GPATCH3: variants seen among roughly 807,000 people sequenced by gnomAD.
GPATCH3 encodes the protein G-patch domain containing 3.
In GPATCH3, 45 loss-of-function variants were observed where a neutral mutation model predicts 53.2. The observed-to-expected ratio is 0.85, with a 90% CI of 0.67 to 1.08. GPATCH3 has a LOEUF of 1.08. Ranked by LOEUF, GPATCH3 falls within the 50% of genes least tolerant of loss-of-function variation. The pLI, the probability that GPATCH3 is intolerant of heterozygous loss-of-function variation, is 0.00. For synonymous variants in GPATCH3, 280 were observed against 270.6 expected (o/e 1.03, Z -0.34); for missense variants, 680 against 687.2 (o/e 0.99, Z 0.12).
rs762674817 is a variant in GPATCH3 at position 26,900,362 on chromosome 1, G to A, written c.81C>T (p.Ala27=). The A allele has an allele frequency of 2.5e-6, 4 of 1,614,036 alleles. No individual in the cohort carries two copies. In the South Asian group the frequency reaches 4.4e-5, roughly 18 times the overall value. Reference sequence around the variant, plus strand: ...ACTGGCTAAAATAGCTCCGTAAATGGGCCGAGCGCAACACGGAGGGGATAC... The same window carrying A: ...ACTGGCTAAAATAGCTCCGTAAATGAGCCGAGCGCAACACGGAGGGGATAC... The part of the protein sequence containing the change: ...VSGIPSVLRS[A]HLRSYFSQFR... The change falls in exon 1 of 7, where the codon GCC becomes GCT. Residue 27 remains alanine, a synonymous_variant. Coordinates refer to ENST00000361720, the MANE Select transcript of GPATCH3 (RefSeq NM_022078.3).
chr1:26,894,746 C>T (rs926925696), intron 2 of GPATCH3, among the ~76,000 whole-genome samples: 1 of 152,178 alleles, frequency 6.6e-6, no homozygotes, highest in South Asian at 2.1e-4. Flanking sequence ...AAGCCCCCCA[C>T]ATTTAGGCCC....
chr1:26,891,294 C>T (rs530575852), intron 6 of GPATCH3, 68 bp from the exon 7 acceptor site: 2 of 1,245,438 alleles, frequency 1.6e-6, no homozygotes, highest in Non-Finnish European at 2.3e-6. Flanking sequence ...TGGGAGAGGA[C>T]GGGGAAGTAG....
chr1:26,900,168 CGAGTG>C lies in GPATCH3; in HGVS notation c.270_274del (p.Thr91ArgfsTer79), dbSNP rs1361096952. The stretch of plus-strand genomic sequence containing the variant: ...GCGGGTCTGGATTGGAGTAGAGTCT[CGAGTG>C]GAGAGAGGCCGGACATCGGTGGCCG... On this transcript the variant is annotated frameshift_variant, in exon 1 of 7. Coordinates refer to ENST00000361720, the MANE Select transcript of GPATCH3 (RefSeq NM_022078.3). LOFTEE classifies it high-confidence loss of function. 2.5e-6 allele frequency: 4 copies of C among 1,614,052 alleles called. No homozygotes were observed. The highest frequency in any genetic ancestry group is 1.7e-5 in the Admixed American group (1 of 60,006).
At chr1:26,899,849 AAGTT>A in intron 1 of GPATCH3, 139 bp downstream of exon 1, 1 of 718,650 alleles carries the variant, frequency 1.4e-6, no homozygotes, top group Non-Finnish European at 2.3e-6. Flanking sequence ...AACTCCCTGC[AAGTT>A]GAGCCTGAAG....
Position 26,900,286 on chromosome 1 carries a change from G to A in GPATCH3, c.157C>T (p.Pro53Ser). ...GFLCFHYRHR[P>S]ERAPPQAAPN... ...GCGGCCTGCGGAGGGGCCCGCTCAG[G>A]CCGATGCCGGTAGTGGAAACAGAGG... Residue 53 changes from proline (P) to serine (S), a missense_variant, in exon 1 of 7, where the codon CCT (proline) becomes TCT (serine). Physicochemically the swap from Pro to Ser is moderately conservative, Grantham distance 74. Transcript: ENST00000361720. The A allele has an allele frequency of 6.2e-7, 1 of 1,614,060 alleles. No homozygotes were observed. The highest frequency in any genetic ancestry group is 1.6e-4 in the Middle Eastern group (1 of 6,062).
At position 26,892,901 on chromosome 1, in the gene GPATCH3, G is replaced by A. The variant is rs2081935101; in HGVS notation, c.1112-110C>T. Reference sequence around the variant, plus strand: ...GACTTATTCATTTTAATAGTGTTCTGTATCTCTCTCATTAGACTGGGAGCT... The same window carrying A: ...GACTTATTCATTTTAATAGTGTTCTATATCTCTCTCATTAGACTGGGAGCT... On this transcript the variant is annotated intron_variant, in intron 4 of 6. Transcript: ENST00000361720. 4 of 1,340,144 alleles carry A rather than the reference G, an allele frequency of 3.0e-6. No homozygotes were observed. The African/African-American group carries it at 4.4e-5, about 15-fold the overall frequency. 83.0% of individuals were successfully genotyped at this position (1,340,144 alleles called of 1,614,324 possible).
At chr1:26,897,763 G>A (rs747911324) in intron 1 of GPATCH3, 38 bp from the exon 2 acceptor site, 57 of 1,521,458 alleles carry the variant, frequency 3.7e-5, no homozygotes, top group Non-Finnish European at 2.0e-5. Context: ...AAACCCAGAA[G>A]CCTCCAGCAA....
chr1:26,900,160 T>G lies in GPATCH3; in HGVS notation c.283A>C (p.Thr95Pro). The G allele has an allele frequency of 3.1e-6, 5 of 1,612,512 alleles. No homozygotes were observed. The highest frequency in any genetic ancestry group is 4.2e-6 in the Non-Finnish European group (5 of 1,179,552). ...CAGCAGGTGCGGGTCTGGATTGGAGTAGAGTCTCGAGTGGAGAGAGGCCGG... is the reference window on the plus strand; with the variant it reads ...CAGCAGGTGCGGGTCTGGATTGGAGGAGAGTCTCGAGTGGAGAGAGGCCGG... ...DVRPLSTRDSTPIQTRTCCCV... is the reference protein window; with the variant it reads ...DVRPLSTRDSPPIQTRTCCCV... The change falls in exon 1 of 7, where the codon ACT becomes CCT. Residue 95 changes from threonine to proline, a missense_variant. By Grantham distance (38) the Thr-to-Pro change is conservative. Transcript: ENST00000361720.
intron 4 of GPATCH3, 64 bp downstream of exon 4, chr1:26,893,325 A>G (rs534093215): frequency 5.8e-5 from 74 of 1,268,278 alleles, no homozygotes; most frequent in Non-Finnish European, 8.2e-5. Context: ...TAGCTCTGGT[A>G]AAGTGTCACT....
intron 3 of GPATCH3, 151 bp from the exon 4 acceptor site, chr1:26,893,599 C>T: frequency 1.7e-6 from 1 of 604,836 alleles, no homozygotes; most frequent in South Asian, 1.8e-5. Flanking sequence ...TGGCTCACTC[C>T]AACCTCTGCC....
rs749632774 is a variant in GPATCH3 at position 26,900,330 on chromosome 1, T to C, written c.113A>G (p.Glu38Gly). The C allele has an allele frequency of 7.7e-5, 125 of 1,614,004 alleles. No individual in the cohort carries two copies. In the Admixed American group the frequency reaches 2.0e-3, roughly 26 times the overall value. Residue 38 changes from glutamate (E) to glycine (G), a missense_variant, in exon 1 of 7, where the codon GAA (glutamate) becomes GGA (glycine). Glu to Gly is a moderately conservative substitution (Grantham distance 98). Transcript: ENST00000361720. ...ACAGAGGAAGCCACCGCCGCGCTCT[T>C]CTCGGAACTGGCTAAAATAGCTCCG... Reference protein sequence around the residue: ...HLRSYFSQFREERGGGFLCFH... With the variant: ...HLRSYFSQFRGERGGGFLCFH...
Position 26,897,547 on chromosome 1 carries a change from G to A in GPATCH3, c.630C>T (p.Arg210=). 1 of 1,614,218 alleles carries A rather than the reference G, an allele frequency of 6.2e-7. No individual in the cohort carries two copies. The highest frequency in any genetic ancestry group is 8.5e-7 in the Non-Finnish European group (1 of 1,180,040). The change falls in exon 2 of 7, where the codon CGC becomes CGT. Residue 210 remains arginine (R), a synonymous_variant. Coordinates refer to ENST00000361720, the MANE Select transcript of GPATCH3 (RefSeq NM_022078.3). ...RVFLELIRAC[R]LPPRIITQLQ... ...GCTGGGTGATGATCCGAGGGGGTAG[G>A]CGGCAGGCCCGGATCAACTCCAAAA...
In GPATCH3 at chr1:26,892,720, C is replaced by T. The variant is rs1290077125; in HGVS notation, c.1183G>A (p.Asp395Asn). Residue 395 changes from aspartate (D) to asparagine (N), a missense_variant, in exon 5 of 7, where the codon GAT (aspartate) becomes AAT (asparagine). By Grantham distance (23) the Asp-to-Asn change is conservative (BLOSUM62 1). Transcript: ENST00000361720. ...LEQRLRDGQE[D>N]GSVIERQVGT... Reference sequence around the variant, plus strand: ...ACCTGGCGTTCGATCACAGAGCCATCTTCCTGTCCATCTCGGAGTCTCTGT... The same window carrying T: ...ACCTGGCGTTCGATCACAGAGCCATTTTCCTGTCCATCTCGGAGTCTCTGT... The T allele has an allele frequency of 6.2e-7, 1 of 1,614,216 alleles. No homozygotes were observed. The highest frequency in any genetic ancestry group is 1.7e-5 in the Admixed American group (1 of 60,024).
chr1:26,893,921 A>G (rs934446266), intron 3 of GPATCH3, among the ~76,000 whole-genome samples: 1 of 151,816 alleles, frequency 6.6e-6, no homozygotes. Context: ...GGCTCAAGTG[A>G]TCCTCCTGCC....
intron 1 of GPATCH3, 143 bp from the exon 2 acceptor site, chr1:26,897,868 G>C: frequency 1.4e-6 from 1 of 710,248 alleles, no homozygotes; most frequent in Non-Finnish European, 2.3e-6. Context: ...CCGACACAGT[G>C]GCTCACGCTT....
chr1:26,890,911 G>A lies in GPATCH3; in HGVS notation c.*99C>T. ...GAACAAAACACCCTGAACCAGCCAC[G>A]AAGACTGCTGCTCCCAGACTCCTTT... On this transcript the variant is annotated 3_prime_UTR_variant, in exon 7 of 7. Coordinates refer to ENST00000361720, the MANE Select transcript of GPATCH3 (RefSeq NM_022078.3). 7.8e-6 allele frequency: 9 copies of A among 1,156,114 alleles called. No homozygotes were observed. In the South Asian group the frequency reaches 1.1e-4, roughly 14 times the overall value. 71.6% of individuals were successfully genotyped at this position (1,156,114 alleles called of 1,614,324 possible).
At position 26,900,422 on chromosome 1, in the gene GPATCH3, C is replaced by T. The variant is rs2081971908; in HGVS notation, c.21G>A (p.Ala7=). 1 of 1,610,040 alleles carries T rather than the reference C, an allele frequency of 6.2e-7. No homozygotes were observed. The highest frequency in any genetic ancestry group is 8.5e-7 in the Non-Finnish European group (1 of 1,177,218). The part of the protein sequence containing the change: MAVPGE[A]EEEATVYLVV... ...CCAGGTAAACTGTCGCCTCCTCCTC[C>T]GCCTCGCCGGGCACCGCCATCTTGG... Residue 7 remains alanine, a synonymous_variant, in exon 1 of 7, where the codon GCG becomes GCA. Coordinates refer to ENST00000361720, the MANE Select transcript of GPATCH3 (RefSeq NM_022078.3).
intron 6 of GPATCH3, 31 bp from the exon 7 acceptor site, chr1:26,891,257 C>G: frequency 6.4e-7 from 1 of 1,564,292 alleles, no homozygotes; most frequent in Non-Finnish European, 8.8e-7. Context: ...AGTGAGAAGG[C>G]TGCTCTCAAA....
chr1:26,897,355 TC>T lies in GPATCH3; in HGVS notation c.821del (p.Gly274GlufsTer37), dbSNP rs967459325. 6.2e-6 allele frequency: 10 copies of T among 1,614,102 alleles called. No individual in the cohort carries two copies. Among genetic ancestry groups the T allele is most frequent in the African/African-American group, 1.3e-5 (1 of 74,926 alleles). On this transcript the variant is annotated frameshift_variant, in exon 2 of 7. Coordinates refer to ENST00000361720, the MANE Select transcript of GPATCH3 (RefSeq NM_022078.3). LOFTEE classifies it high-confidence loss of function. ...CCTTCCCCACTTCTTCCTCAGGCTC[TC>T]CACAGGGGCTGGCTGGTATATCTGC... The part of the protein sequence containing the change: ...YLADIPASPC[G>X]EPEEEVGKEE...
Sources: gnomAD v4.1 joint callset for allele counts (sites outside exome capture counted in the v4.1 genomes callset) on GRCh38, gnomAD v4.1.1 for gene constraint, MANE v1.5 for transcripts, NCBI Gene and HGNC (gene_info 2026-07-23, HGNC 2026-07-21) for gene names.